TECTA: variants seen among roughly 807,000 people sequenced by gnomAD.
TECTA encodes tectorin alpha.
Under a neutral mutation model 216.8 loss-of-function variants are expected in TECTA, and 128 were observed. That is an observed-to-expected ratio of 0.59 (90% confidence interval 0.51 to 0.68). TECTA has a LOEUF of 0.68. TECTA is among the 30% of genes least tolerant of loss of function. The pLI is 0.00. For synonymous variants in TECTA, 1,089 were observed against 1,117.1 expected, an observed-to-expected ratio of 0.97 and a Z score of 0.50; for missense variants, 2,551 against 2,786.2, an observed-to-expected ratio of 0.92 and a Z score of 1.90.
chr11:121,112,599 C>T (rs1454039642), intron 4 of TECTA, among the ~76,000 whole-genome samples: 1 of 152,114 alleles, frequency 6.6e-6, no homozygotes, highest in Non-Finnish European at 1.5e-5. Flanking sequence ...TGTTGTTTTC[C>T]GGGAAGAGAG....
At chr11:121,171,679 T>C (rs1384636321) in intron 20 of TECTA, among the ~76,000 whole-genome samples, 1 of 152,212 alleles carries the variant, frequency 6.6e-6, no homozygotes, top group African/African-American at 2.4e-5. Flanking sequence ...GTAGGTATTA[T>C]AAATGAGATT....
chr11:121,179,838 C>T (rs1192799288), intron 20 of TECTA, among the ~76,000 whole-genome samples: 1 of 152,058 alleles, frequency 6.6e-6, no homozygotes, highest in Non-Finnish European at 1.5e-5. Flanking sequence ...AATATAGCTA[C>T]TCCTGCTTGC....
At position 121,169,125 on chromosome 11, in the gene TECTA, T is replaced by A. The variant is rs138169722; in HGVS notation, c.5999+200T>A. Reference sequence around the variant, plus strand: ...CTCATTTTACAGACAATCAAGTAACTTGCCTAAAGTCACACAGAAATATAT... The same window carrying A: ...CTCATTTTACAGACAATCAAGTAACATGCCTAAAGTCACACAGAAATATAT... On this transcript the variant is annotated intron_variant, in intron 20 of 23. Transcript: ENST00000392793. Among the ~76,000 whole-genome samples the A allele has an allele frequency of 7.9e-5, 12 of 152,328 alleles. No individual in the cohort carries two copies. In the East Asian group the frequency reaches 1.5e-3, roughly 20 times the overall value.
At chr11:121,170,556 G>A (rs1947101760) in intron 20 of TECTA, among the ~76,000 whole-genome samples, 1 of 152,042 alleles carries the variant, frequency 6.6e-6, no homozygotes, top group African/African-American at 2.4e-5. Flanking sequence ...GTGTAGAAGA[G>A]TTCCCCTTTC....
chr11:121,101,830 G>A (rs1054682549), intron 1 of TECTA, among the ~76,000 whole-genome samples: 6 of 152,340 alleles, frequency 3.9e-5, no homozygotes, highest in South Asian at 4.1e-4. Flanking sequence ...TTGAGCTTGC[G>A]TCCGTGTTCT....
At chr11:121,171,261 T>G (rs1180567322) in intron 20 of TECTA, among the ~76,000 whole-genome samples, 4 of 152,120 alleles carry the variant, frequency 2.6e-5, no homozygotes, top group Admixed American at 6.6e-5. Context: ...TATTTCTGAG[T>G]TCTGTTTTGT....
intron 3 of TECTA, among the ~76,000 whole-genome samples, chr11:121,106,624 C>T (rs1946392542): frequency 6.6e-6 from 1 of 152,132 alleles, no homozygotes; most frequent in African/African-American, 2.4e-5. Context: ...AGATTCAGAG[C>T]AGCCGAGCCT....
intron 11 of TECTA, among the ~76,000 whole-genome samples, chr11:121,143,541 A>AT (rs1946804384): frequency 6.6e-6 from 1 of 152,088 alleles, no homozygotes; most frequent in Admixed American, 6.6e-5. Context: ...ATCACATGAT[A>AT]TTGTTATCTG....
At chr11:121,190,414 G>A (rs1263496921) in intron 23 of TECTA, among the ~76,000 whole-genome samples, 4 of 152,086 alleles carry the variant, frequency 2.6e-5, no homozygotes, top group East Asian at 3.9e-4. Flanking sequence ...ACAGGCACAC[G>A]CCACCACGCC....
At chr11:121,135,120 G>C (rs1946713385) in intron 10 of TECTA, among the ~76,000 whole-genome samples, 1 of 152,210 alleles carries the variant, frequency 6.6e-6, no homozygotes, top group Non-Finnish European at 1.5e-5. Flanking sequence ...GATTCGTCAG[G>C]CCGCCGAGCA....
intron 21 of TECTA, among the ~76,000 whole-genome samples, chr11:121,188,798 C>A (rs555444049): frequency 1.3e-5 from 2 of 152,310 alleles, no homozygotes; most frequent in African/African-American, 4.8e-5. Flanking sequence ...GGGCAGGGAG[C>A]CTCTTTGAAT....
chr11:121,117,508 T>A (rs371144918), intron 6 of TECTA, among the ~76,000 whole-genome samples: 115 of 152,356 alleles, frequency 7.5e-4, no homozygotes, highest in African/African-American at 2.6e-3. Context: ...AAAGACTGCA[T>A]GTCTACCAAA....
intron 16 of TECTA, among the ~76,000 whole-genome samples, chr11:121,162,937 CTAT>C (rs1289494215): frequency 3.3e-5 from 5 of 152,096 alleles, no homozygotes; most frequent in Non-Finnish European, 5.9e-5. Flanking sequence ...ATGTGTATTT[CTAT>C]TATTCAATTT....
chr11:121,152,625 C>G (rs1429471425), intron 12 of TECTA, among the ~76,000 whole-genome samples: 1 of 152,068 alleles, frequency 6.6e-6, no homozygotes, highest in African/African-American at 2.4e-5. Flanking sequence ...AATGGCCAGG[C>G]TGAGGTGAGG....
At chr11:121,161,953 C>A in intron 15 of TECTA, 122 bp from the exon 16 acceptor site, 1 of 1,267,454 alleles carries the variant, frequency 7.9e-7, no homozygotes, top group Non-Finnish European at 1.1e-6. Context: ...CCAAAGGTCA[C>A]AAAGCTAGTG....
chr11:121,187,393 G>A (rs1251232616), intron 20 of TECTA, among the ~76,000 whole-genome samples: 1 of 152,184 alleles, frequency 6.6e-6, no homozygotes, highest in Non-Finnish European at 1.5e-5. Flanking sequence ...CTATTTTGAC[G>A]CATGGGAAGT....
At chr11:121,109,968 C>G (rs939314417) in intron 4 of TECTA, 1 of 184,634 alleles carries the variant, frequency 5.4e-6, no homozygotes, top group African/African-American at 2.4e-5. Flanking sequence ...AAGTTTGGGC[C>G]CAAATGATCT....
At chr11:121,153,196 C>A in intron 13 of TECTA, 116 bp downstream of exon 13, 1 of 1,258,292 alleles carries the variant, frequency 7.9e-7, no homozygotes, top group Non-Finnish European at 1.1e-6. Context: ...GCGTCGTGTT[C>A]GTGGCAGGGG....
chr11:121,136,120 G>A (rs370467859), intron 10 of TECTA, among the ~76,000 whole-genome samples: 2 of 152,122 alleles, frequency 1.3e-5, no homozygotes, highest in East Asian at 3.9e-4. Context: ...CACCACGCCT[G>A]GCTAATTTTT....
Sources: gnomAD v4.1 joint callset for allele counts (sites outside exome capture counted in the v4.1 genomes callset) on GRCh38, gnomAD v4.1.1 for gene constraint, MANE v1.5 for transcripts, NCBI Gene and HGNC (gene_info 2026-07-23, HGNC 2026-07-21) for gene names.